Variants in ST6GALNAC3 observed in about 807,000 individuals in gnomAD.
ST6GALNAC3 encodes ST6 N-acetylgalactosaminide alpha-2,6-sialyltransferase 3.
ST6GALNAC3 carries 25 observed loss-of-function variants against 32.7 expected under a neutral mutation model. That is an observed-to-expected ratio of 0.76 (90% CI 0.56 to 1.07). The LOEUF is 1.07. ST6GALNAC3 is among the 50% of genes least tolerant of loss of function. The probability of loss-of-function intolerance (pLI) is 0.00; values close to 1 mark genes in which losing one functional copy is unlikely to be tolerated. For missense variants in ST6GALNAC3, 355 were observed against 382.4 expected (o/e 0.93, Z 0.60); for synonymous variants, 129 against 133.1 (o/e 0.97, Z 0.21).
intron 1 of ST6GALNAC3, among the ~76,000 whole-genome samples, chr1:76,151,384 A>G (rs953471206): frequency 1.3e-5 from 2 of 152,194 alleles, no homozygotes; most frequent in East Asian, 1.9e-4. Flanking sequence ...TTAAAGATAT[A>G]AGGCCAGGCC....
intron 3 of ST6GALNAC3, among the ~76,000 whole-genome samples, chr1:76,467,753 A>T (rs6687690): frequency 6.6e-6 from 1 of 151,716 alleles, no homozygotes; most frequent in African/African-American, 2.4e-5. Context: ...ATAATTAGGA[A>T]AAATTTTTTG....
chr1:76,114,783 C>T (rs11162082), intron 1 of ST6GALNAC3, among the ~76,000 whole-genome samples: 32,023 of 151,740 alleles, frequency 0.21, 4,328 homozygotes, highest in African/African-American at 0.37. Flanking sequence ...GTGGCTTATG[C>T]CAGCACATGC....
rs115662375 is a variant in ST6GALNAC3 at position 76,201,245 on chromosome 1, C to T, written c.19-112560C>T. Among the ~76,000 whole-genome samples, 1,314 of 152,230 alleles carry T rather than the reference C, an allele frequency of 8.6e-3. 24 individuals are homozygous for T. Among genetic ancestry groups the T allele is most frequent in the African/African-American group, 0.03 (1,236 of 41,540 alleles). On this transcript the variant is annotated intron_variant, in intron 1 of 4. Coordinates refer to ENST00000328299, the MANE Select transcript of ST6GALNAC3 (RefSeq NM_152996.4). The stretch of plus-strand genomic sequence containing the variant: ...TTGACTCACAGTTCGACATGGCCAG[C>T]GAGGTCTCAATCATGGTGAAAGGCA...
chr1:76,535,966 T>C (rs188721340), intron 3 of ST6GALNAC3, among the ~76,000 whole-genome samples: 1 of 152,284 alleles, frequency 6.6e-6, no homozygotes, highest in Non-Finnish European at 1.5e-5. Context: ...TCTACTCTTC[T>C]TGGGCAAAAG....
At chr1:76,271,972 G>A (rs1173566592) in intron 1 of ST6GALNAC3, among the ~76,000 whole-genome samples, 1 of 152,060 alleles carries the variant, frequency 6.6e-6, no homozygotes, top group Non-Finnish European at 1.5e-5. Context: ...TAGCACAAGG[G>A]AGTGAAACTA....
intron 2 of ST6GALNAC3, among the ~76,000 whole-genome samples, chr1:76,396,942 A>ACT (rs1311877110): frequency 6.6e-6 from 1 of 152,208 alleles, no homozygotes; most frequent in African/African-American, 2.4e-5. Context: ...TTAGCTAATT[A>ACT]CTATGCTTTA....
rs77686967 is a variant in ST6GALNAC3 at position 76,091,830 on chromosome 1, A to G, written c.18+16946A>G. 8.2e-3 allele frequency among the ~76,000 whole-genome samples: 1,244 copies of G among 152,332 alleles called. 18 individuals are homozygous for G. Among genetic ancestry groups the G allele is most frequent in the African/African-American group, 0.029 (1,188 of 41,570 alleles). ...ATCTAGGTGTATGTAAGTGCACTCTATGATGCTCACACAACTACACTTACG... is the reference window on the plus strand; with the variant it reads ...ATCTAGGTGTATGTAAGTGCACTCTGTGATGCTCACACAACTACACTTACG... On this transcript the variant is annotated intron_variant, in intron 1 of 4. Transcript: ENST00000328299.
intron 1 of ST6GALNAC3, among the ~76,000 whole-genome samples, chr1:76,126,549 C>A (rs1383545822): frequency 6.6e-6 from 1 of 151,924 alleles, no homozygotes; most frequent in Non-Finnish European, 1.5e-5. Context: ...TTTTCTTAAT[C>A]AAGTGAACAT....
chr1:76,158,743 A>G (rs1455684583), intron 1 of ST6GALNAC3, among the ~76,000 whole-genome samples: 1 of 152,226 alleles, frequency 6.6e-6, no homozygotes, highest in African/African-American at 2.4e-5. Flanking sequence ...TTGTCAGGGA[A>G]TAAGTACCTG....
chr1:76,619,943 C>T (rs1218557424), intron 3 of ST6GALNAC3, among the ~76,000 whole-genome samples: 1 of 152,126 alleles, frequency 6.6e-6, no homozygotes, highest in Non-Finnish European at 1.5e-5. Context: ...AAATTATCCT[C>T]TTCAATTCCC....
intron 2 of ST6GALNAC3, among the ~76,000 whole-genome samples, chr1:76,339,875 A>G (rs1412081060): frequency 6.6e-6 from 1 of 152,224 alleles, no homozygotes; most frequent in Non-Finnish European, 1.5e-5. Flanking sequence ...ATTTCTTACA[A>G]ATCATTCAGA....
intron 3 of ST6GALNAC3, among the ~76,000 whole-genome samples, chr1:76,539,666 G>A (rs1570173544): frequency 6.6e-6 from 1 of 150,516 alleles, no homozygotes; most frequent in Non-Finnish European, 1.5e-5. Context: ...AAATTTGCAA[G>A]AAAAAAAAAC....
At chr1:76,123,749 ATTTT>A (rs767734132) in intron 1 of ST6GALNAC3, among the ~76,000 whole-genome samples, 2 of 94,288 alleles carry the variant, frequency 2.1e-5, no homozygotes, top group Non-Finnish European at 1.9e-5. Context: ...ACTCATTTTA[ATTTT>A]TTTTTTTTTT....
chr1:76,259,653 G>C (rs186372494), intron 1 of ST6GALNAC3, among the ~76,000 whole-genome samples: 96 of 152,276 alleles, frequency 6.3e-4, no homozygotes, highest in Non-Finnish European at 1.1e-3. Flanking sequence ...GGGGAAGATT[G>C]TAAGTGAAAT....
Position 76,445,670 on chromosome 1 carries a change from G to A in ST6GALNAC3, c.623+33253G>A, listed in dbSNP as rs141239094. 7.9e-5 allele frequency among the ~76,000 whole-genome samples: 12 copies of A among 152,208 alleles called. No homozygotes were observed. The East Asian group carries it at 1.9e-3, about 24-fold the overall frequency. On this transcript the variant is annotated intron_variant, in intron 3 of 4. Transcript: ENST00000328299. ...TTTTGTGATATGGTATCTGATGGCT[G>A]CGTAGTATCTTACTGTGCCAGTTAC...
At position 76,111,484 on chromosome 1, in the gene ST6GALNAC3, AGAGG is replaced by A. The variant is rs1219430845; in HGVS notation, c.18+36602_18+36605del. On this transcript the variant is annotated intron_variant, in intron 1 of 4. Transcript: ENST00000328299. Reference sequence around the variant, plus strand: ...TTGATCATTCTTGGGTGTTTCTCGCAGAGGGGGATTTGGCAGGGTCACAGGACAA... The same window carrying A: ...TTGATCATTCTTGGGTGTTTCTCGCAGGGATTTGGCAGGGTCACAGGACAA... Among the ~76,000 whole-genome samples the A allele has an allele frequency of 2.7e-3, 407 of 151,214 alleles. 1 individual carries two copies. The highest frequency in any genetic ancestry group is 0.024 in the Middle Eastern group (7 of 294).
chr1:76,382,769 C>A (rs1298465792), intron 2 of ST6GALNAC3, among the ~76,000 whole-genome samples: 1 of 152,150 alleles, frequency 6.6e-6, no homozygotes, highest in Non-Finnish European at 1.5e-5. Flanking sequence ...CGACTAGTTT[C>A]AGAAACATTG....
chr1:76,427,330 G>A (rs1655460143), intron 3 of ST6GALNAC3, among the ~76,000 whole-genome samples: 1 of 151,940 alleles, frequency 6.6e-6, no homozygotes, highest in African/African-American at 2.4e-5. Context: ...AATGTGCTCT[G>A]GGGACCATCT....
chr1:76,496,778 C>T (rs998912120), intron 3 of ST6GALNAC3, among the ~76,000 whole-genome samples: 2 of 152,158 alleles, frequency 1.3e-5, no homozygotes, highest in Non-Finnish European at 2.9e-5. Context: ...TTATCACCGG[C>T]TTAGGAGGCC....
Sources: gnomAD v4.1 joint callset for allele counts (sites outside exome capture counted in the v4.1 genomes callset) on GRCh38, gnomAD v4.1.1 for gene constraint, MANE v1.5 for transcripts, NCBI Gene and HGNC (gene_info 2026-07-23, HGNC 2026-07-21) for gene names.